The following ACTL8 variants were observed in gnomAD, a reference collection of about 807,000 sequenced individuals.
ACTL8 encodes the protein actin-like protein 8.
ACTL8 carries 3 observed loss-of-function variants against 9.3 expected under a neutral mutation model. The observed-to-expected ratio is 0.32, with a 90% confidence interval of 0.15 to 0.83. The LOEUF is 0.83. ACTL8 is among the 40% of genes least tolerant of loss of function. The probability of loss-of-function intolerance (pLI) is 0.57; values close to 1 mark genes in which losing one functional copy is unlikely to be tolerated. For synonymous variants in ACTL8, 224 were observed against 205.9 expected, an observed-to-expected ratio of 1.09 and a Z score of -0.75; for missense variants, 381 against 492.2, an observed-to-expected ratio of 0.77 and a Z score of 2.14.
Position 17,799,993 on chromosome 1 carries a change from C to T in ACTL8, c.-24-22992C>T, listed in dbSNP as rs757656469. ...TGTCTTAGCCGTTTCTATTGCTGTACCTCTGGGACATCTCTTAATGCCTCG... is the reference window on the plus strand; with the variant it reads ...TGTCTTAGCCGTTTCTATTGCTGTATCTCTGGGACATCTCTTAATGCCTCG... On this transcript the variant is annotated intron_variant, in intron 1 of 2. Transcript: ENST00000375406. Among the ~76,000 whole-genome samples the T allele has an allele frequency of 1.1e-3, 174 of 152,288 alleles. 2 individuals carry two copies. Among genetic ancestry groups the T allele is most frequent in the Middle Eastern group, 3.4e-3 (1 of 294 alleles).
At chr1:17,805,364 T>C (rs1371957753) in intron 1 of ACTL8, among the ~76,000 whole-genome samples, 1 of 98,750 alleles carries the variant, frequency 1.0e-5, no homozygotes, top group Non-Finnish European at 2.0e-5. Context: ...AGATATATTT[T>C]CTTTTTCTTT....
Position 17,800,383 on chromosome 1 carries a change from T to C in ACTL8, c.-24-22602T>C, listed in dbSNP as rs560363172. Among the ~76,000 whole-genome samples the C allele has an allele frequency of 1.1e-3, 174 of 152,282 alleles. 1 individual carries two copies. The Middle Eastern group carries it at 0.017, about 15-fold the overall frequency. On this transcript the variant is annotated intron_variant, in intron 1 of 2. Coordinates refer to ENST00000375406, the MANE Select transcript of ACTL8 (RefSeq NM_030812.3). ...CAAAAGAATGCTGTTAATTTTTAAG[T>C]TGGTCACTTTGAACGTGTTCAGATT...
intron 1 of ACTL8, among the ~76,000 whole-genome samples, chr1:17,762,192 G>C (rs2102673491): frequency 6.6e-6 from 1 of 152,212 alleles, no homozygotes; most frequent in East Asian, 1.9e-4. Context: ...GGGACCCAGG[G>C]TGGAGACGAA....
intron 1 of ACTL8, among the ~76,000 whole-genome samples, chr1:17,815,475 C>T (rs1434248983): frequency 6.6e-6 from 1 of 152,076 alleles, no homozygotes; most frequent in African/African-American, 2.4e-5. Flanking sequence ...GCCTGACTGT[C>T]TTCTGGACTC....
intron 1 of ACTL8, among the ~76,000 whole-genome samples, chr1:17,805,417 C>T (rs2066353405): frequency 7.3e-6 from 1 of 136,584 alleles, no homozygotes. Context: ...ATTAAGTCTC[C>T]CTCTGTCACC....
intron 1 of ACTL8, among the ~76,000 whole-genome samples, chr1:17,808,834 G>A (rs11806878): frequency 0.023 from 3,522 of 152,234 alleles, 128 homozygotes; most frequent in African/African-American, 0.077. Flanking sequence ...TAGAAAGGAC[G>A]GAATTCTCCA....
chr1:17,797,697 T>C (rs2066287788), intron 1 of ACTL8, among the ~76,000 whole-genome samples: 1 of 152,204 alleles, frequency 6.6e-6, no homozygotes, highest in Non-Finnish European at 1.5e-5. Flanking sequence ...TCTGGCAGCT[T>C]CCTGTACTTG....
chr1:17,801,878 A>G (rs2066325129), intron 1 of ACTL8, among the ~76,000 whole-genome samples: 2 of 152,364 alleles, frequency 1.3e-5, no homozygotes, highest in Admixed American at 1.3e-4. Flanking sequence ...TCTAGTTACC[A>G]GCATAAATCA....
At chr1:17,779,893 GT>G (rs1477657160) in intron 1 of ACTL8, among the ~76,000 whole-genome samples, 1 of 152,116 alleles carries the variant, frequency 6.6e-6, no homozygotes, top group Non-Finnish European at 1.5e-5. Flanking sequence ...ATCTACTACA[GT>G]CCATGAATCC....
At chr1:17,782,121 C>G (rs1345802989) in intron 1 of ACTL8, among the ~76,000 whole-genome samples, 3 of 152,080 alleles carry the variant, frequency 2.0e-5, no homozygotes, top group Admixed American at 6.5e-5. Context: ...AGCTCTGGTA[C>G]ACGAGCCCCC....
chr1:17,805,592 G>A (rs1191388163), intron 1 of ACTL8, among the ~76,000 whole-genome samples: 2 of 151,822 alleles, frequency 1.3e-5, no homozygotes, highest in Admixed American at 6.6e-5. Flanking sequence ...TATTGGCCAG[G>A]CTGGTCTCAA....
At chr1:17,769,525 C>T (rs980327313) in intron 1 of ACTL8, among the ~76,000 whole-genome samples, 6 of 152,240 alleles carry the variant, frequency 3.9e-5, no homozygotes, top group African/African-American at 1.4e-4. Flanking sequence ...CACGAATTCC[C>T]TGCCTCTTGT....
intron 1 of ACTL8, among the ~76,000 whole-genome samples, chr1:17,800,429 A>G (rs887331920): frequency 2.0e-5 from 3 of 152,062 alleles, no homozygotes; most frequent in Non-Finnish European, 4.4e-5. Context: ...TTTTCTATAG[A>G]TGATATTATC....
At chr1:17,765,793 C>G (rs6690507) in intron 1 of ACTL8, among the ~76,000 whole-genome samples, 16,656 of 152,248 alleles carry the variant, frequency 0.11, 1,827 homozygotes, top group East Asian at 0.28. Flanking sequence ...TCTGACCTGA[C>G]ATCTGTGCTC....
At position 17,823,209 on chromosome 1, in the gene ACTL8, C is replaced by G; in HGVS notation, c.201C>G (p.Ile67Met). 4 of 1,614,184 alleles carry G rather than the reference C, an allele frequency of 2.5e-6. No individual in the cohort carries two copies. Among genetic ancestry groups the G allele is most frequent in the Non-Finnish European group, 3.4e-6 (4 of 1,180,042 alleles). Reference protein sequence around the residue: ...ICHPDTFSYPIERGRILNWEG... With the variant: ...ICHPDTFSYPMERGRILNWEG... ...ATCCTGACACCTTTAGCTACCCCAT[C>G]GAGCGGGGCCGCATCCTCAACTGGG... Residue 67 changes from isoleucine to methionine, a missense_variant, in exon 2 of 3, where the codon ATC becomes ATG. By Grantham distance (10) the Ile-to-Met change is conservative (BLOSUM62 1). Transcript: ENST00000375406. The surrounding 1 kb of genome is among the most constrained non-coding windows in gnomAD (Gnocchi z 5.3).
At position 17,777,783 on chromosome 1, in the gene ACTL8, C is replaced by T. The variant is rs541340136; in HGVS notation, c.-25+22279C>T. ...GTGCAATCTCAGCTCACTGCAACCT[C>T]CGCCTCTGGAGTTCAAGCGATTCTT... On this transcript the variant is annotated intron_variant, in intron 1 of 2. Transcript: ENST00000375406. 1.7e-3 allele frequency among the ~76,000 whole-genome samples: 261 copies of T among 152,338 alleles called. 4 individuals are homozygous for T. Among genetic ancestry groups the T allele is most frequent in the South Asian group, 9.5e-3 (46 of 4,828 alleles).
At chr1:17,782,634 A>G (rs145689113) in intron 1 of ACTL8, among the ~76,000 whole-genome samples, 3 of 152,296 alleles carry the variant, frequency 2.0e-5, no homozygotes, top group African/African-American at 4.8e-5. Context: ...TACCAGCCAC[A>G]TAGAGTTCTG....
Position 17,826,391 on chromosome 1 carries a change from G to T in ACTL8, c.973G>T (p.Ala325Ser), listed in dbSNP as rs2124199198. Residue 325 changes from alanine (A) to serine (S), a missense_variant, in exon 3 of 3, where the codon GCC becomes TCC. By Grantham distance (99) the Ala-to-Ser change is moderately conservative. Coordinates refer to ENST00000375406, the MANE Select transcript of ACTL8 (RefSeq NM_030812.3). This position sits in a 1 kb window ranked among gnomAD's most constrained non-coding sequence, Gnocchi z 4.5. ...GGGGGATCACGTCTCCTCCACCAAG[G>T]CCACAGTCTGGGAGGGTTCCAATAG... is the stretch of plus-strand genomic sequence containing the variant. ...LMGDHVSSTK[A>S]TVWEGSNRNF... 6.2e-7 allele frequency: 1 copy of T among 1,614,158 alleles called. No individual in the cohort carries two copies. The highest frequency in any genetic ancestry group is 1.1e-5 in the South Asian group (1 of 91,068).
chr1:17,785,222 G>T (rs1290184102), intron 1 of ACTL8, among the ~76,000 whole-genome samples: 1 of 152,152 alleles, frequency 6.6e-6, no homozygotes, highest in Non-Finnish European at 1.5e-5. Flanking sequence ...CTTACTAGTT[G>T]TATGACCTTT....
Sources: allele counts gnomAD v4.1 joint callset (sites outside exome capture counted in the v4.1 genomes callset), GRCh38; gene constraint gnomAD v4.1.1; non-coding constraint Gnocchi (gnomAD v3.1); transcripts MANE v1.5; gene names NCBI Gene and HGNC (gene_info 2026-07-23, HGNC 2026-07-21).